HECTD4: variants seen among roughly 807,000 people sequenced by gnomAD.
The protein encoded by HECTD4 is probable E3 ubiquitin-protein ligase HECTD4.
Under a neutral mutation model 471.5 loss-of-function variants are expected in HECTD4, and 114 were observed. The ratio of observed to expected loss-of-function variants is 0.24; its 90% CI spans 0.21 to 0.28. HECTD4 has a LOEUF of 0.28. Ranked by LOEUF, HECTD4 falls within the 10% of genes least tolerant of loss-of-function variation. The pLI, the probability that HECTD4 is intolerant of heterozygous loss-of-function variation, is 1.00. For missense variants in HECTD4, 3,866 were observed against 5,651.5 expected (o/e 0.68, Z 10.13); for synonymous variants, 2,012 against 2,256.0 (o/e 0.89, Z 3.07).
chr12:112,346,577 A>C (rs1167619687), intron 1 of HECTD4, among the ~76,000 whole-genome samples: 4 of 152,212 alleles, frequency 2.6e-5, no homozygotes, highest in African/African-American at 9.6e-5. Context: ...ACAAGCACAA[A>C]CAAAACCTAG....
chr12:112,233,649 CT>C (rs1171300671), intron 37 of HECTD4, among the ~76,000 whole-genome samples: 1 of 152,130 alleles, frequency 6.6e-6, no homozygotes, highest in Non-Finnish European at 1.5e-5. Flanking sequence ...GTAAGGGTAT[CT>C]AGAAATCCAG....
chr12:112,192,269 G>T (rs879863757), intron 59 of HECTD4, among the ~76,000 whole-genome samples: 1 of 152,206 alleles, frequency 6.6e-6, no homozygotes, highest in Non-Finnish European at 1.5e-5. Flanking sequence ...TGATTGCTCT[G>T]GTTGTATCAT....
intron 7 of HECTD4, chr12:112,301,778 T>C: frequency 1.9e-6 from 1 of 524,726 alleles, no homozygotes. Flanking sequence ...TGTGAAGTTT[T>C]ACTCTATTTC....
chr12:112,376,609 G>A (rs1010015375), intron 1 of HECTD4, among the ~76,000 whole-genome samples: 1 of 152,150 alleles, frequency 6.6e-6, no homozygotes, highest in Non-Finnish European at 1.5e-5. Flanking sequence ...GGATCTACTT[G>A]ATTTGTATCC....
At chr12:112,218,204 G>C (rs775070155) in intron 45 of HECTD4, among the ~76,000 whole-genome samples, 28 of 151,846 alleles carry the variant, frequency 1.8e-4, no homozygotes, top group Non-Finnish European at 3.4e-4. Context: ...CCCATTTGAA[G>C]TGTATAAGTC....
chr12:112,247,090 C>A lies in HECTD4; in HGVS notation c.4338-14G>T. On this transcript the variant is annotated splice_polypyrimidine_tract_variant and intron_variant, in intron 28 of 75. Coordinates refer to ENST00000682272, the MANE Select transcript of HECTD4 (RefSeq NM_001388303.1). ...AGGAACTTCTCCCTATAAAGAAAGA[C>A]TGATGTGCATTGAGTTGTTCTCTAG... is the stretch of plus-strand genomic sequence containing the variant. The A allele has an allele frequency of 6.3e-7, 1 of 1,584,272 alleles. No homozygotes were observed.
At position 112,193,054 on chromosome 12, in the gene HECTD4, A is replaced by T; in HGVS notation, c.9086+7T>A. The T allele has an allele frequency of 6.2e-7, 1 of 1,614,016 alleles. No individual in the cohort carries two copies. The highest frequency in any genetic ancestry group is 8.5e-7 in the Non-Finnish European group (1 of 1,179,892). On this transcript the variant is annotated splice_region_variant and intron_variant, in intron 58 of 75. Coordinates refer to ENST00000682272, the MANE Select transcript of HECTD4 (RefSeq NM_001388303.1). The surrounding 1 kb of genome is among the most constrained non-coding windows in gnomAD (Gnocchi z 5.2). ...CATCACCATCTTCTTGAGAACAGGC[A>T]ACTTACTCTTTGCGGAATCCAGATT...
intron 38 of HECTD4, among the ~76,000 whole-genome samples, chr12:112,232,747 A>G (rs932409347): frequency 5.3e-5 from 8 of 152,246 alleles, no homozygotes; most frequent in Middle Eastern, 6.8e-3. Flanking sequence ...ACTATTTTCA[A>G]CTTCAAATTA....
intron 11 of HECTD4, among the ~76,000 whole-genome samples, chr12:112,272,340 G>A (rs564116350): frequency 4.4e-4 from 67 of 152,306 alleles, no homozygotes; most frequent in Non-Finnish European, 7.6e-4. Context: ...GTGGGCCACA[G>A]CGCCTAGCCT....
intron 1 of HECTD4, chr12:112,322,565 T>C (rs1200218564): frequency 1.3e-5 from 2 of 152,462 alleles, no homozygotes; most frequent in Non-Finnish European, 2.9e-5. Flanking sequence ...AATAAGCATC[T>C]AAGAATGCAG....
intron 45 of HECTD4, 107 bp from the exon 46 acceptor site, chr12:112,217,302 C>T: frequency 2.4e-6 from 1 of 421,456 alleles, no homozygotes; most frequent in East Asian, 4.0e-5. Context: ...TATAGGCATA[C>T]ACACACACAC....
chr12:112,232,001 C>T (rs995338103), intron 38 of HECTD4, among the ~76,000 whole-genome samples: 4 of 152,122 alleles, frequency 2.6e-5, no homozygotes, highest in Admixed American at 6.6e-5. Context: ...ATCAGTGTAT[C>T]GCGGAGACTC....
chr12:112,262,515 C>CAAAA lies in HECTD4; in HGVS notation c.2749-1090_2749-1087dup, dbSNP rs758273849. Reference sequence around the variant, plus strand: ...TGGGCGACAAAGAGAGACTCCATCTCAAAAAAAAAAAAAAAAAAAAAAAAA... The same window carrying CAAAA: ...TGGGCGACAAAGAGAGACTCCATCTCAAAAAAAAAAAAAAAAAAAAAAAAAAAAA... On this transcript the variant is annotated intron_variant, in intron 17 of 75. Transcript: ENST00000682272. Among the ~76,000 whole-genome samples the CAAAA allele has an allele frequency of 0.034, 674 of 19,756 alleles. 249 individuals carry two copies. The East Asian group carries it at 0.54, about 16-fold the overall frequency. The allele number at this position is 19,756 out of a possible 152,430, so 13.0% of individuals were successfully genotyped here.
intron 2 of HECTD4, among the ~76,000 whole-genome samples, chr12:112,317,700 C>T (rs1407130146): frequency 1.3e-5 from 2 of 152,050 alleles, no homozygotes; most frequent in African/African-American, 4.8e-5. Flanking sequence ...AACTCCAGGC[C>T]GGGCAGGGTG....
chr12:112,287,509 A>G (rs901294036), intron 7 of HECTD4, among the ~76,000 whole-genome samples: 1 of 152,232 alleles, frequency 6.6e-6, no homozygotes, highest in African/African-American at 2.4e-5. Context: ...AAAAATAGCA[A>G]TAAAATTGTC....
At chr12:112,242,887 G>A (rs2033674598) in intron 32 of HECTD4, among the ~76,000 whole-genome samples, 1 of 152,256 alleles carries the variant, frequency 6.6e-6, no homozygotes, top group Middle Eastern at 3.4e-3. Flanking sequence ...CTCCAGCCTT[G>A]GTGACAGAGT....
intron 44 of HECTD4, among the ~76,000 whole-genome samples, chr12:112,223,334 T>C (rs538113095): frequency 5.3e-5 from 8 of 152,360 alleles, no homozygotes; most frequent in Middle Eastern, 6.8e-3. Flanking sequence ...TTGGTTTCTA[T>C]GTGCCTTTTC....
rs775123724 is a variant in HECTD4 at position 112,200,621 on chromosome 12, G to T, written c.8567+17C>A. The T allele has an allele frequency of 1.2e-5, 19 of 1,601,566 alleles. No homozygotes were observed. The highest frequency in any genetic ancestry group is 1.6e-5 in the Non-Finnish European group (19 of 1,170,470). On this transcript the variant is annotated intron_variant, in intron 55 of 75. Transcript: ENST00000682272. ...GTGGATTTCTGTGACCCAGTAGAAA[G>T]AAGGGCCCAATTGTACCTGTGAATT...
intron 11 of HECTD4, among the ~76,000 whole-genome samples, chr12:112,271,612 T>A (rs2034414072): frequency 6.6e-6 from 1 of 152,184 alleles, no homozygotes; most frequent in African/African-American, 2.4e-5. Flanking sequence ...GTGTGACCAG[T>A]ACTCCCCAAG....
Sources: gnomAD v4.1 joint callset for allele counts (sites outside exome capture counted in the v4.1 genomes callset) on GRCh38, gnomAD v4.1.1 for gene constraint, Gnocchi (gnomAD v3.1) non-coding constraint, MANE v1.5 for transcripts, NCBI Gene and HGNC (gene_info 2026-07-23, HGNC 2026-07-21) for gene names.